Variants in PKHD1 observed in about 807,000 individuals in gnomAD.
PKHD1 encodes PKHD1 ciliary IPT domain containing fibrocystin/polyductin.
A neutral mutation model predicts 412.0 loss-of-function variants in PKHD1; 291 were observed. The ratio of observed to expected loss-of-function variants is 0.71; its 90% CI spans 0.64 to 0.78. PKHD1 has a LOEUF of 0.78. PKHD1 is among the 30% of genes least tolerant of loss of function. The pLI, the probability that PKHD1 is intolerant of heterozygous loss-of-function variation, is 0.00. For missense variants in PKHD1, 4,825 were observed against 4,950.7 expected, an observed-to-expected ratio of 0.97 and a Z score of 0.76; for synonymous variants, 1,777 against 1,821.5, an observed-to-expected ratio of 0.98 and a Z score of 0.62.
At chr6:51,762,382 A>AT (rs1171003589) in intron 55 of PKHD1, among the ~76,000 whole-genome samples, 1 of 152,086 alleles carries the variant, frequency 6.6e-6, no homozygotes, top group Non-Finnish European at 1.5e-5. Context: ...GGTAAAAGCA[A>AT]TTTTTTGTGT....
At chr6:51,715,897 C>G (rs1781196567) in intron 60 of PKHD1, among the ~76,000 whole-genome samples, 2 of 152,114 alleles carry the variant, frequency 1.3e-5, no homozygotes, top group Non-Finnish European at 2.9e-5. Context: ...TGAGAAAGGA[C>G]AGGGAAGGAA....
At chr6:52,038,487 C>T (rs1804304184) in intron 27 of PKHD1, among the ~76,000 whole-genome samples, 1 of 151,942 alleles carries the variant, frequency 6.6e-6, no homozygotes, top group African/African-American at 2.4e-5. Context: ...GGTGTTCTAC[C>T]AGCCAAGGAA....
chr6:52,060,414 G>T (rs931301325), intron 14 of PKHD1, among the ~76,000 whole-genome samples: 2 of 152,162 alleles, frequency 1.3e-5, no homozygotes, highest in African/African-American at 4.8e-5. Flanking sequence ...AATAAAGACA[G>T]ATTGCTTATG....
chr6:51,890,361 G>C (rs1418847136), intron 43 of PKHD1, among the ~76,000 whole-genome samples: 1 of 152,046 alleles, frequency 6.6e-6, no homozygotes, highest in Non-Finnish European at 1.5e-5. Flanking sequence ...ACAAAGAAAA[G>C]TCTTGTCACC....
At chr6:51,863,973 A>G (rs1018083730) in intron 48 of PKHD1, among the ~76,000 whole-genome samples, 17 of 152,188 alleles carry the variant, frequency 1.1e-4, no homozygotes, top group Non-Finnish European at 2.4e-4. Context: ...ATAAGGACAG[A>G]CGGACAATTT....
intron 36 of PKHD1, among the ~76,000 whole-genome samples, chr6:51,950,220 A>ATATATATATATATAT (rs1554156415): frequency 1.0e-5 from 1 of 98,328 alleles, no homozygotes; most frequent in Non-Finnish European, 2.0e-5. Flanking sequence ...GAAAAAAAAA[A>ATATATATATATATAT]ATATATATAT....
At chr6:51,739,705 A>C (rs1333380938) in intron 60 of PKHD1, among the ~76,000 whole-genome samples, 3 of 152,232 alleles carry the variant, frequency 2.0e-5, no homozygotes, top group African/African-American at 7.2e-5. Flanking sequence ...CACTTGCCAA[A>C]TGAATGAAAA....
chr6:51,842,481 A>C (rs1292433365), intron 50 of PKHD1, among the ~76,000 whole-genome samples: 3 of 152,162 alleles, frequency 2.0e-5, no homozygotes, highest in African/African-American at 7.2e-5. Context: ...TTATTAGAAG[A>C]AGGCTGTGTG....
At chr6:51,903,554 GC>G in intron 43 of PKHD1, 42 bp downstream of exon 43, 1 of 1,583,270 alleles carries the variant, frequency 6.3e-7, no homozygotes, top group Non-Finnish European at 8.7e-7. Context: ...AGAACTTTAT[GC>G]CCTCTCAGTT....
At chr6:51,815,319 A>G (rs139056052) in intron 52 of PKHD1, among the ~76,000 whole-genome samples, 244 of 152,360 alleles carry the variant, frequency 1.6e-3, no homozygotes, top group African/African-American at 5.7e-3. Flanking sequence ...ATAAGGGTAT[A>G]TGACAGAAAT....
intron 7 of PKHD1, 132 bp downstream of exon 7, chr6:52,073,331 C>T (rs2128233605): frequency 1.3e-6 from 1 of 769,606 alleles, no homozygotes; most frequent in Non-Finnish European, 2.4e-6. Flanking sequence ...CATGAGGGAC[C>T]ATAAACTGCA....
chr6:51,692,717 C>G (rs1381522897), intron 60 of PKHD1, among the ~76,000 whole-genome samples: 1 of 151,876 alleles, frequency 6.6e-6, no homozygotes, highest in Non-Finnish European at 1.5e-5. Flanking sequence ...TCTTTTTTTT[C>G]CACTTACTGT....
At chr6:51,679,088 G>A (rs991323329) in intron 60 of PKHD1, among the ~76,000 whole-genome samples, 3 of 152,050 alleles carry the variant, frequency 2.0e-5, no homozygotes, top group African/African-American at 7.2e-5. Context: ...GATTTGAATG[G>A]GAAGCCCCGG....
At chr6:51,712,603 A>C (rs1328577224) in intron 60 of PKHD1, among the ~76,000 whole-genome samples, 1 of 152,204 alleles carries the variant, frequency 6.6e-6, no homozygotes, top group African/African-American at 2.4e-5. Context: ...TTTTGCTTGA[A>C]CAAAACATTT....
chr6:51,839,395 C>T (rs1461419468), intron 50 of PKHD1, among the ~76,000 whole-genome samples: 11 of 152,036 alleles, frequency 7.2e-5, no homozygotes, highest in Non-Finnish European at 1.3e-4. Context: ...AGATCTGATG[C>T]TCAAAAAGAC....
At chr6:51,656,343 G>A (rs907132094) in intron 61 of PKHD1, among the ~76,000 whole-genome samples, 4 of 152,112 alleles carry the variant, frequency 2.6e-5, no homozygotes, top group African/African-American at 9.7e-5. Context: ...GCCTGTTGAC[G>A]GGTGGGGAGC....
chr6:52,046,226 T>C, intron 23 of PKHD1, 38 bp from the exon 24 acceptor site: 1 of 1,436,468 alleles, frequency 7.0e-7, no homozygotes. Flanking sequence ...ACACAGACAC[T>C]AATTAATCCA....
chr6:51,912,102 A>T, intron 38 of PKHD1, 146 bp from the exon 39 acceptor site: 1 of 723,626 alleles, frequency 1.4e-6, no homozygotes. Context: ...AACTATAGAC[A>T]CAAGTACATG....
At chr6:51,822,270 T>G (rs1482634848) in intron 52 of PKHD1, among the ~76,000 whole-genome samples, 3 of 152,180 alleles carry the variant, frequency 2.0e-5, no homozygotes, top group Admixed American at 6.5e-5. Context: ...GCAAGAGATG[T>G]TACATTAGAT....
Sources: allele counts gnomAD v4.1 joint callset (sites outside exome capture counted in the v4.1 genomes callset), GRCh38; gene constraint gnomAD v4.1.1; transcripts MANE v1.5; gene names NCBI Gene and HGNC (gene_info 2026-07-23, HGNC 2026-07-21).